The following LINS1 variants were observed in gnomAD, a reference collection of about 807,000 sequenced individuals.
The protein encoded by LINS1 is protein Lines homolog 1.
In LINS1, 27 loss-of-function variants were observed where a neutral mutation model predicts 41.6. That is an observed-to-expected ratio of 0.65 (90% CI 0.48 to 0.89). LINS1 has a LOEUF of 0.89. LINS1 is among the 40% of genes least tolerant of loss of function. The probability of loss-of-function intolerance (pLI) is 0.00; values close to 1 mark genes in which losing one functional copy is unlikely to be tolerated. For missense variants in LINS1, 955 were observed against 884.1 expected, an observed-to-expected ratio of 1.08 and a Z score of -1.02; for synonymous variants, 336 against 312.9, an observed-to-expected ratio of 1.07 and a Z score of -0.78.
Position 100,567,858 on chromosome 15 carries a change from C to G in LINS1, c.*1380G>C, listed in dbSNP as rs1178488864. 1 of 152,190 alleles carries G rather than the reference C, an allele frequency of 6.6e-6. No individual in the cohort carries two copies. Among genetic ancestry groups the G allele is most frequent in the Non-Finnish European group, 1.5e-5 (1 of 68,038 alleles). 9.4% of individuals were successfully genotyped at this position (152,190 alleles called of 1,614,324 possible). A position where few individuals can be genotyped will look rare whatever the true frequency, so the allele number is the denominator to read the frequency against. On this transcript the variant is annotated 3_prime_UTR_variant, in exon 7 of 7. Coordinates refer to ENST00000314742, the MANE Select transcript of LINS1 (RefSeq NM_001040616.3). ...ATCGGCAACCTTCTATTTAGCTCCA[C>G]TGATTTTTCCATGTCTACCTGAATT...
intron 1 of LINS1, among the ~76,000 whole-genome samples, chr15:100,583,057 C>A (rs1277755431): frequency 1.3e-5 from 2 of 152,032 alleles, no homozygotes; most frequent in Non-Finnish European, 2.9e-5. Context: ...TAGTCTTGGT[C>A]TTACACTGGG....
At chr15:100,585,540 G>A (rs1229815532) in intron 1 of LINS1, among the ~76,000 whole-genome samples, 1 of 152,164 alleles carries the variant, frequency 6.6e-6, no homozygotes, top group South Asian at 2.1e-4. Flanking sequence ...CGTGGAAAAT[G>A]TTTTACTCGA....
At chr15:100,575,248 A>G in intron 3 of LINS1, 120 bp from the exon 4 acceptor site, 1 of 726,576 alleles carries the variant, frequency 1.4e-6, no homozygotes, top group Non-Finnish European at 2.3e-6. Flanking sequence ...TGGCACACCG[A>G]GAAGGAACAG....
At chr15:100,590,554 G>A (rs2038990324) in intron 1 of LINS1, among the ~76,000 whole-genome samples, 1 of 152,202 alleles carries the variant, frequency 6.6e-6, no homozygotes, top group South Asian at 2.1e-4. Flanking sequence ...GATTAGAAAT[G>A]TTTCCCTCAT....
Position 100,575,132 on chromosome 15 carries a change from C to T in LINS1, c.490-4G>A, listed in dbSNP as rs2038087110. On this transcript the variant is annotated splice_polypyrimidine_tract_variant and splice_region_variant and intron_variant, in intron 3 of 6. Coordinates refer to ENST00000314742, the MANE Select transcript of LINS1 (RefSeq NM_001040616.3). ...TCCAGGAATTACTTAAGGTTATCTA[C>T]AAGTGAGAAAATAAAGCAAGCAGTT... The T allele has an allele frequency of 1.2e-6, 2 of 1,609,066 alleles. No individual in the cohort carries two copies. Among genetic ancestry groups the T allele is most frequent in the African/African-American group, 2.7e-5 (2 of 74,780 alleles).
intron 1 of LINS1, among the ~76,000 whole-genome samples, chr15:100,590,564 T>C (rs1295659007): frequency 1.3e-5 from 2 of 152,248 alleles, no homozygotes; most frequent in African/African-American, 2.4e-5. Context: ...GTTTCCCTCA[T>C]GATAGGCTGT....
chr15:100,578,084 T>C (rs1187570563), intron 3 of LINS1, among the ~76,000 whole-genome samples: 5 of 152,096 alleles, frequency 3.3e-5, no homozygotes, highest in African/African-American at 7.2e-5. Flanking sequence ...GAAGAAAACC[T>C]AGGCAATACC....
intron 1 of LINS1, among the ~76,000 whole-genome samples, chr15:100,587,536 C>T (rs1440923122): frequency 6.6e-6 from 1 of 152,120 alleles, no homozygotes; most frequent in African/African-American, 2.4e-5. Flanking sequence ...CATTCATTTG[C>T]TGTTTATTCT....
At chr15:100,592,653 C>A (rs911207047) in intron 1 of LINS1, among the ~76,000 whole-genome samples, 2 of 152,132 alleles carry the variant, frequency 1.3e-5, no homozygotes, top group African/African-American at 4.8e-5. Flanking sequence ...CTTCAGGAAC[C>A]CAGGACAAAA....
chr15:100,569,114 T>G lies in LINS1; in HGVS notation c.*124A>C. 1.6e-6 allele frequency: 1 copy of G among 611,124 alleles called. No homozygotes were observed. Among genetic ancestry groups the G allele is most frequent in the Non-Finnish European group, 2.7e-6 (1 of 376,486 alleles). The allele number at this position is 611,124 out of a possible 1,614,324, so 37.9% of individuals were successfully genotyped here. A position where few individuals can be genotyped will look rare whatever the true frequency, so the allele number is the denominator to read the frequency against. ...CTCCGGCCTGAGCGACAGAATGAGA[T>G]TCTGTCTCAAAAAAAAAAAAAAAAA... is the stretch of plus-strand genomic sequence containing the variant. On this transcript the variant is annotated 3_prime_UTR_variant, in exon 7 of 7. Transcript: ENST00000314742.
At chr15:100,587,279 T>G (rs979188197) in intron 1 of LINS1, among the ~76,000 whole-genome samples, 1 of 151,734 alleles carries the variant, frequency 6.6e-6, no homozygotes, top group Non-Finnish European at 1.5e-5. Flanking sequence ...CTTCACACTA[T>G]GTCTACTGTT....
chr15:100,585,042 G>A (rs141700227), intron 1 of LINS1, among the ~76,000 whole-genome samples: 2,517 of 152,304 alleles, frequency 0.017, 62 homozygotes, highest in Admixed American at 0.058. Context: ...GGAATGAGAA[G>A]CACGGGAAAG....
At chr15:100,578,372 A>G (rs1218740608) in intron 3 of LINS1, among the ~76,000 whole-genome samples, 2 of 152,170 alleles carry the variant, frequency 1.3e-5, no homozygotes, top group African/African-American at 4.8e-5. Context: ...AAGGATATGA[A>G]CAGACACTTC....
intron 1 of LINS1, among the ~76,000 whole-genome samples, chr15:100,592,107 A>G (rs2039063885): frequency 6.6e-6 from 1 of 152,204 alleles, no homozygotes; most frequent in Non-Finnish European, 1.5e-5. Context: ...ACACCAAGTA[A>G]TCAATGGAAA....
intron 1 of LINS1, among the ~76,000 whole-genome samples, 158 bp downstream of exon 1, chr15:100,601,963 T>G (rs996218367): frequency 6.6e-6 from 1 of 152,094 alleles, no homozygotes; most frequent in African/African-American, 2.4e-5. Context: ...GGCACTTGCG[T>G]CTGACAAGCG....
At chr15:100,577,915 A>C (rs976327265) in intron 3 of LINS1, among the ~76,000 whole-genome samples, 4 of 152,192 alleles carry the variant, frequency 2.6e-5, no homozygotes, top group African/African-American at 9.7e-5. Flanking sequence ...CAAAAACAAG[A>C]AATGGGGAAA....
chr15:100,573,843 C>A lies in LINS1; in HGVS notation c.1030G>T (p.Ala344Ser), dbSNP rs769837899. 2 of 1,614,238 alleles carry A rather than the reference C, an allele frequency of 1.2e-6. No individual in the cohort carries two copies. Among genetic ancestry groups the A allele is most frequent in the Non-Finnish European group, 1.7e-6 (2 of 1,180,044 alleles). ...MLALANAVLQAVNSGLLKTLS... is the reference protein window; with the variant it reads ...MLALANAVLQSVNSGLLKTLS... ...GTCTTCAACAACCCCGAATTCACAG[C>A]TTGCAAAACAGCATTAGCTAAAGCC... The change falls in exon 5 of 7, where the codon GCT becomes TCT. Residue 344 changes from alanine to serine, a missense_variant. Physicochemically the swap from Ala to Ser is moderately conservative, Grantham distance 99. Coordinates refer to ENST00000314742, the MANE Select transcript of LINS1 (RefSeq NM_001040616.3).
chr15:100,601,138 G>A (rs183110481), intron 1 of LINS1, among the ~76,000 whole-genome samples: 1 of 152,302 alleles, frequency 6.6e-6, no homozygotes, highest in Admixed American at 6.5e-5. Flanking sequence ...CTGGCTCTTT[G>A]TCATTCAGAT....
intron 6 of LINS1, chr15:100,570,647 G>A (rs1055875755): frequency 6.5e-6 from 1 of 152,702 alleles, no homozygotes; most frequent in Non-Finnish European, 1.5e-5. Context: ...CATGCCTTGA[G>A]AATGAATTCA....
Sources: allele counts gnomAD v4.1 joint callset (sites outside exome capture counted in the v4.1 genomes callset), GRCh38; gene constraint gnomAD v4.1.1; transcripts MANE v1.5; gene names NCBI Gene and HGNC (gene_info 2026-07-23, HGNC 2026-07-21).